The following GRIK2 variants were observed in gnomAD, a reference collection of about 807,000 sequenced individuals.
GRIK2 encodes the protein glutamate ionotropic receptor kainate type subunit 2, also known as glutamate receptor ionotropic, kainate 2.
Under a neutral mutation model 100.3 loss-of-function variants are expected in GRIK2, and 32 were observed. That is an observed-to-expected ratio of 0.32 (90% CI 0.24 to 0.43). GRIK2 has a LOEUF of 0.43. Among genes scored for constraint, GRIK2 ranks in the 20% least tolerant of loss-of-function variants. GRIK2 has a pLI of 1.00. For missense variants in GRIK2, 843 were observed against 1,114.9 expected, an observed-to-expected ratio of 0.76 and a Z score of 3.47; for synonymous variants, 417 against 389.4, an observed-to-expected ratio of 1.07 and a Z score of -0.83.
chr6:101,733,708 C>CTTTTTTTTTTTTTT (rs34438783), intron 7 of GRIK2, among the ~76,000 whole-genome samples: 39 of 83,932 alleles, frequency 4.6e-4, no homozygotes, highest in South Asian at 2.0e-3. Flanking sequence ...ATTCCTCTTT[C>CTTTTTTTTTTTTTT]TTTTTTTTTT....
intron 7 of GRIK2, among the ~76,000 whole-genome samples, chr6:101,798,555 G>T (rs1030954233): frequency 2.0e-5 from 3 of 152,070 alleles, no homozygotes; most frequent in Middle Eastern, 3.4e-3. Context: ...AGCTCCTTAG[G>T]ATCCATTTGG....
chr6:101,534,655 A>G (rs7754376), intron 2 of GRIK2, among the ~76,000 whole-genome samples: 25,661 of 151,740 alleles, frequency 0.17, 2,556 homozygotes, highest in South Asian at 0.31. Context: ...CAGTCTATGT[A>G]TAATTCCTTT....
intron 2 of GRIK2, among the ~76,000 whole-genome samples, chr6:101,468,678 C>T (rs1771788209): frequency 6.6e-6 from 1 of 152,036 alleles, no homozygotes; most frequent in African/African-American, 2.4e-5. Flanking sequence ...TCACATTTTC[C>T]TGTACAACTG....
chr6:101,478,737 G>A (rs1228644413), intron 2 of GRIK2, among the ~76,000 whole-genome samples: 2 of 151,812 alleles, frequency 1.3e-5, no homozygotes, highest in African/African-American at 4.8e-5. Flanking sequence ...TGTTAGCCAG[G>A]ATGGTCTCGA....
At chr6:101,492,115 T>G (rs1275278480) in intron 2 of GRIK2, among the ~76,000 whole-genome samples, 1 of 151,950 alleles carries the variant, frequency 6.6e-6, no homozygotes, top group Non-Finnish European at 1.5e-5. Context: ...TATTATTGCT[T>G]TTGGCATTAT....
At chr6:101,510,189 C>A (rs1338625113) in intron 2 of GRIK2, among the ~76,000 whole-genome samples, 3 of 152,112 alleles carry the variant, frequency 2.0e-5, no homozygotes, top group African/African-American at 4.8e-5. Flanking sequence ...ATTGGGCAAA[C>A]ATGTCCATAA....
At chr6:102,049,982 A>T (rs2852612) in intron 15 of GRIK2, among the ~76,000 whole-genome samples, 3 of 151,968 alleles carry the variant, frequency 2.0e-5, no homozygotes, top group South Asian at 2.1e-4. Flanking sequence ...TTTAAAGAAA[A>T]GTTATTTATC....
At chr6:101,452,171 A>T (rs1770736857) in intron 2 of GRIK2, among the ~76,000 whole-genome samples, 1 of 151,878 alleles carries the variant, frequency 6.6e-6, no homozygotes, top group Non-Finnish European at 1.5e-5. Context: ...TAAGAGAAGC[A>T]TACGGATCTC....
intron 7 of GRIK2, among the ~76,000 whole-genome samples, chr6:101,724,449 G>A (rs193023769): frequency 1.3e-4 from 20 of 151,904 alleles, no homozygotes; most frequent in African/African-American, 4.3e-4. Context: ...TGTGGTACTC[G>A]GTTTTCTGTT....
In GRIK2 at chr6:101,447,781, C is replaced by T. The variant is rs188951884; in HGVS notation, c.115+48389C>T. 9.9e-5 allele frequency among the ~76,000 whole-genome samples: 15 copies of T among 151,686 alleles called. 1 individual carries two copies. The East Asian group carries it at 2.5e-3, about 25-fold the overall frequency. On this transcript the variant is annotated intron_variant, in intron 2 of 16. Transcript: ENST00000369134. Reference sequence around the variant, plus strand: ...TTGTTAGAAAATCCTTCCCTAAATCCGTAAATTGACATTTGGCCAAATAGA... The same window carrying T: ...TTGTTAGAAAATCCTTCCCTAAATCTGTAAATTGACATTTGGCCAAATAGA...
At chr6:102,009,702 T>A (rs1582714662) in intron 14 of GRIK2, among the ~76,000 whole-genome samples, 2 of 152,288 alleles carry the variant, frequency 1.3e-5, no homozygotes, top group Non-Finnish European at 2.9e-5. Context: ...TGTTTCCCCA[T>A]CCTTGATTTT....
chr6:101,705,077 T>A (rs1448776803), intron 7 of GRIK2, among the ~76,000 whole-genome samples: 1 of 147,504 alleles, frequency 6.8e-6, no homozygotes, highest in Non-Finnish European at 1.5e-5. Flanking sequence ...GTAATATAGA[T>A]TTTTGTAGAA....
intron 4 of GRIK2, among the ~76,000 whole-genome samples, chr6:101,645,519 T>C (rs1048095160): frequency 2.0e-5 from 3 of 152,056 alleles, no homozygotes; most frequent in African/African-American, 7.2e-5. Flanking sequence ...CCGTTTGTCT[T>C]TCTAAAGGTT....
chr6:101,953,258 A>ATAT (rs1791715683), intron 14 of GRIK2, among the ~76,000 whole-genome samples: 1 of 151,682 alleles, frequency 6.6e-6, no homozygotes. Flanking sequence ...GGGTAGATGT[A>ATAT]TATTTTAATT....
chr6:101,426,546 C>T (rs1405253681), intron 2 of GRIK2, among the ~76,000 whole-genome samples: 1 of 151,894 alleles, frequency 6.6e-6, no homozygotes, highest in African/African-American at 2.4e-5. Flanking sequence ...CACATGTACG[C>T]CATAAACATA....
At chr6:101,860,951 T>G (rs1047486909) in intron 11 of GRIK2, 15 of 916,508 alleles carry the variant, frequency 1.6e-5, no homozygotes, top group Non-Finnish European at 2.0e-5. Flanking sequence ...AAAGACCTTT[T>G]CCCTGAAAAC....
intron 2 of GRIK2, among the ~76,000 whole-genome samples, chr6:101,469,037 T>C (rs1415330605): frequency 6.6e-6 from 1 of 152,098 alleles, no homozygotes. Context: ...AAAAAAGAGT[T>C]TGGGTGGTCA....
At chr6:101,590,921 AC>A (rs1293021887) in intron 2 of GRIK2, among the ~76,000 whole-genome samples, 1 of 151,948 alleles carries the variant, frequency 6.6e-6, no homozygotes, top group East Asian at 1.9e-4. Context: ...TCTTCCCTGG[AC>A]CCTGACTAAC....
At chr6:101,988,990 G>A (rs1794208238) in intron 14 of GRIK2, among the ~76,000 whole-genome samples, 1 of 151,854 alleles carries the variant, frequency 6.6e-6, no homozygotes, top group African/African-American at 2.4e-5. Context: ...CTAGTAATTA[G>A]GATGATAATA....
Sources: gnomAD v4.1 joint callset for allele counts (sites outside exome capture counted in the v4.1 genomes callset) on GRCh38, gnomAD v4.1.1 for gene constraint, MANE v1.5 for transcripts, NCBI Gene and HGNC (gene_info 2026-07-23, HGNC 2026-07-21) for gene names.